PRPF38B: variants seen among roughly 807,000 people sequenced by gnomAD.
The protein encoded by PRPF38B is pre-mRNA-splicing factor 38B.
In PRPF38B, 18 loss-of-function variants were observed where a neutral mutation model predicts 67.2. The ratio of observed to expected loss-of-function variants is 0.27; its 90% CI spans 0.19 to 0.40. PRPF38B has a LOEUF of 0.40. PRPF38B is among the 10% of genes least tolerant of loss of function. The probability of loss-of-function intolerance (pLI) is 1.00; values close to 1 mark genes in which losing one functional copy is unlikely to be tolerated. For synonymous variants in PRPF38B, 246 were observed against 234.2 expected (o/e 1.05, Z -0.46); for missense variants, 544 against 684.9 (o/e 0.79, Z 2.30).
Position 108,692,326 on chromosome 1 carries a change from C to G in PRPF38B, c.-266C>G, listed in dbSNP as rs1409069163. Reference sequence around the variant, plus strand: ...GGGCCCGCCATCTTGTTCCCAGGGGCAGTTGGCGGAAGAGATCGAGCTCCC... The same window carrying G: ...GGGCCCGCCATCTTGTTCCCAGGGGGAGTTGGCGGAAGAGATCGAGCTCCC... On this transcript the variant is annotated 5_prime_UTR_variant, in exon 1 of 6. Coordinates refer to ENST00000370025, the MANE Select transcript of PRPF38B (RefSeq NM_018061.4). The G allele has an allele frequency of 7.8e-6, 4 of 515,030 alleles. No homozygotes were observed. Among genetic ancestry groups the G allele is most frequent in the Non-Finnish European group, 1.0e-5 (3 of 289,518 alleles). The allele number at this position is 515,030 out of a possible 1,614,324, so 31.9% of individuals were successfully genotyped here. A position where few individuals can be genotyped will look rare whatever the true frequency, so the allele number is the denominator to read the frequency against.
At chr1:108,696,583 T>G (rs770476730) in intron 4 of PRPF38B, 1 of 605,234 alleles carries the variant, frequency 1.7e-6, no homozygotes, top group Non-Finnish European at 2.9e-6. Context: ...ATTGGAAAAT[T>G]TTCTCTTCTT....
chr1:108,695,809 C>T lies in PRPF38B; in HGVS notation c.345+39C>T. Reference sequence around the variant, plus strand: ...CGTGCATTTTTCAGTTTTTCTGTGTCTAATAACTAAGTTTATATTTAGAGA... The same window carrying T: ...CGTGCATTTTTCAGTTTTTCTGTGTTTAATAACTAAGTTTATATTTAGAGA... On this transcript the variant is annotated intron_variant, in intron 2 of 5. Coordinates refer to ENST00000370025, the MANE Select transcript of PRPF38B (RefSeq NM_018061.4). 3.1e-6 allele frequency: 5 copies of T among 1,592,952 alleles called. No individual in the cohort carries two copies. The Middle Eastern group carries it at 8.3e-4, about 265-fold the overall frequency.
chr1:108,697,047 C>T (rs772243042), intron 4 of PRPF38B: 6 of 398,634 alleles, frequency 1.5e-5, no homozygotes, highest in African/African-American at 4.2e-5. Flanking sequence ...TCAAGACCAG[C>T]CTGAGCAATA....
At chr1:108,693,228 C>A (rs1301228727) in intron 1 of PRPF38B, among the ~76,000 whole-genome samples, 1 of 152,138 alleles carries the variant, frequency 6.6e-6, no homozygotes, top group Non-Finnish European at 1.5e-5. Context: ...CTGCTGAGCG[C>A]CAACTTGTTG....
rs116192182 is a variant in PRPF38B at position 108,698,940 on chromosome 1, T to G, written c.782+113T>G. 568 of 1,296,064 alleles carry G rather than the reference T, an allele frequency of 4.4e-4. 2 individuals are homozygous for G. In the African/African-American group the frequency reaches 7.7e-3, roughly 18 times the overall value. The allele number at this position is 1,296,064 out of a possible 1,614,324, so 80.3% of individuals were successfully genotyped here. ...TGTTTTTACTGTTCATTTTATTAGT[T>G]TGTCACTTTTACCCCCCAAAGATTA... On this transcript the variant is annotated intron_variant, in intron 5 of 5. Coordinates refer to ENST00000370025, the MANE Select transcript of PRPF38B (RefSeq NM_018061.4).
intron 4 of PRPF38B, chr1:108,698,202 CA>C (rs1402656010): frequency 6.4e-6 from 1 of 155,248 alleles, no homozygotes; most frequent in African/African-American, 2.4e-5. Flanking sequence ...AACCTTTAGA[CA>C]GGAATTATCT....
At position 108,699,201 on chromosome 1, in the gene PRPF38B, A is replaced by G. The variant is rs753648118; in HGVS notation, c.822A>G (p.Arg274=). 33 of 1,613,578 alleles carry G rather than the reference A, an allele frequency of 2.0e-5. No individual in the cohort carries two copies. Among genetic ancestry groups the G allele is most frequent in the Non-Finnish European group, 2.6e-5 (31 of 1,179,846 alleles). The change falls in exon 6 of 6, where the codon AGA becomes AGG. Residue 274 remains arginine (R), a synonymous_variant. Coordinates refer to ENST00000370025, the MANE Select transcript of PRPF38B (RefSeq NM_018061.4). ...CTCTGAGTCCACGGAGGTCCCCAAG[A>G]AGGTCAAGAAGTAGAAGTCATCATC... ...RRSLSPRRSP[R]RSRSRSHHRE... is the part of the protein sequence containing the mutation.
rs1048019375 is a variant in PRPF38B, at chr1:108,697,090, A to C, written c.558+753A>C. The C allele has an allele frequency of 1.6e-5, 4 of 246,152 alleles. No individual in the cohort carries two copies. In the South Asian group the frequency reaches 3.1e-4, roughly 19 times the overall value. The allele number at this position is 246,152 out of a possible 1,614,324, so 15.2% of individuals were successfully genotyped here. On this transcript the variant is annotated intron_variant, in intron 4 of 5. Coordinates refer to ENST00000370025, the MANE Select transcript of PRPF38B (RefSeq NM_018061.4). ...ACCTCATCTCTACAAAAAAAAGTTTAAAAATTAGCTGAGCATAGAGGTATG... is the reference window on the plus strand; with the variant it reads ...ACCTCATCTCTACAAAAAAAAGTTTCAAAATTAGCTGAGCATAGAGGTATG...
chr1:108,692,700 C>G lies in PRPF38B; in HGVS notation c.109C>G (p.Pro37Ala). 1.2e-6 allele frequency: 2 copies of G among 1,613,372 alleles called. No individual in the cohort carries two copies. The highest frequency in any genetic ancestry group is 2.7e-5 in the African/African-American group (2 of 75,058). Residue 37 changes from proline (P) to alanine (A), a missense_variant, in exon 1 of 6, where the codon CCG becomes GCG. By Grantham distance (27) the Pro-to-Ala change is conservative. Around this residue, in one of 5 missense-constraint regions of PRPF38B, gnomAD observed 70 missense variants for 58.4 expected, o/e 1.20. Coordinates refer to ENST00000370025, the MANE Select transcript of PRPF38B (RefSeq NM_018061.4). ...GTGCGGCGGCGGCGGCGCTACCAAG[C>G]CGGCGGTCTCCGGCAAGCAGGGCAA... ...QQCGGGGATK[P>A]AVSGKQGNVL...
In PRPF38B at chr1:108,699,587, A is replaced by T; in HGVS notation, c.1208A>T (p.His403Leu). ...AGGGGAGAGGTAGAAGAGAAGAAAC[A>T]TAAAGAAGACAAAGATGATAGGCGG... ...RSRGEVEEKK[H>L]KEDKDDRRHR... The change falls in exon 6 of 6, where the codon CAT (histidine) becomes CTT (leucine). Residue 403 changes from histidine to leucine, a missense_variant. By Grantham distance (99) the His-to-Leu change is moderately conservative. This residue lies in a region of PRPF38B where 387 missense variants were observed against 386.1 expected (regional missense o/e 1.00). Transcript: ENST00000370025. 1.3e-6 allele frequency: 2 copies of T among 1,553,276 alleles called. No individual in the cohort carries two copies.
chr1:108,696,030 G>A lies in PRPF38B; in HGVS notation c.346-13G>A, dbSNP rs753435148. ...TTATTTTACTACTTTTTCTTAACTC[G>A]TTTCCCCTAAAGGTTCGAGGTGTTG... On this transcript the variant is annotated splice_polypyrimidine_tract_variant and intron_variant, in intron 2 of 5. Coordinates refer to ENST00000370025, the MANE Select transcript of PRPF38B (RefSeq NM_018061.4). The A allele has an allele frequency of 4.4e-6, 7 of 1,606,422 alleles. No individual in the cohort carries two copies. The highest frequency in any genetic ancestry group is 5.1e-6 in the Non-Finnish European group (6 of 1,177,486).
At position 108,699,768 on chromosome 1, in the gene PRPF38B, T is replaced by G. The variant is rs1218663320; in HGVS notation, c.1389T>G (p.Ser463Arg). 1 of 1,612,124 alleles carries G rather than the reference T, an allele frequency of 6.2e-7. No homozygotes were observed. The highest frequency in any genetic ancestry group is 8.5e-7 in the Non-Finnish European group (1 of 1,179,578). The change falls in exon 6 of 6, where the codon AGT becomes AGG. Residue 463 changes from serine to arginine, a missense_variant. Transcript: ENST00000370025. Reference sequence around the variant, plus strand: ...AATCAAGTAAACATAAAAATGAAAGTAAAGAAAAATCAAATAAACGAAGTC... The same window carrying G: ...AATCAAGTAAACATAAAAATGAAAGGAAAGAAAAATCAAATAAACGAAGTC... ...KEKSSKHKNE[S>R]KEKSNKRSRS...
At chr1:108,695,572 G>A in intron 1 of PRPF38B, 130 bp from the exon 2 acceptor site, 1 of 817,326 alleles carries the variant, frequency 1.2e-6, no homozygotes, top group Non-Finnish European at 1.9e-6. Flanking sequence ...CTTAATATCA[G>A]TAAACATATA....
At chr1:108,693,176 T>A (rs1659503562) in intron 1 of PRPF38B, among the ~76,000 whole-genome samples, 1 of 152,204 alleles carries the variant, frequency 6.6e-6, no homozygotes, top group African/African-American at 2.4e-5. Flanking sequence ...AACAGAAGCC[T>A]TTCCAGTTTA....
Position 108,702,444 on chromosome 1 carries a change from T to C in PRPF38B, c.*2424T>C, listed in dbSNP as rs552400443. Among the ~76,000 whole-genome samples the C allele has an allele frequency of 5.4e-4, 82 of 152,282 alleles. No homozygotes were observed. The highest frequency in any genetic ancestry group is 8.8e-4 in the Non-Finnish European group (60 of 68,022). On this transcript the variant is annotated 3_prime_UTR_variant, in exon 6 of 6. Transcript: ENST00000370025. The stretch of plus-strand genomic sequence containing the variant: ...AGTCCCTTCTTACGATTTTTAAATA[T>C]GTTTGCTTTTGAGGAAAATTATGGT...
At chr1:108,695,897 G>T in intron 2 of PRPF38B, 127 bp downstream of exon 2, 1 of 1,350,426 alleles carries the variant, frequency 7.4e-7, no homozygotes, top group Non-Finnish European at 1.0e-6. Context: ...CAAGTGTTCA[G>T]TGAAATAGGG....
At chr1:108,693,245 C>T (rs1659509832) in intron 1 of PRPF38B, among the ~76,000 whole-genome samples, 1 of 152,166 alleles carries the variant, frequency 6.6e-6, no homozygotes, top group South Asian at 2.1e-4. Context: ...GTTGGTGCTT[C>T]TCCCGCTCAC....
At chr1:108,695,617 A>G (rs976443932) in intron 1 of PRPF38B, 85 bp from the exon 2 acceptor site, 26 of 1,328,462 alleles carry the variant, frequency 2.0e-5, no homozygotes, top group Non-Finnish European at 2.5e-5. Flanking sequence ...GAGCTGCTCT[A>G]TTATGGACTT....
intron 4 of PRPF38B, chr1:108,696,656 G>C (rs1204918092): frequency 7.1e-6 from 5 of 702,640 alleles, no homozygotes; most frequent in South Asian, 1.5e-5. Context: ...TTTCAAGATG[G>C]GGCATGCTCA....
Sources: gnomAD v4.1 joint callset for allele counts (sites outside exome capture counted in the v4.1 genomes callset) on GRCh38, gnomAD v4.1.1 for gene constraint, gnomAD v4.1.1 regional missense constraint, MANE v1.5 for transcripts, NCBI Gene and HGNC (gene_info 2026-07-23, HGNC 2026-07-21) for gene names.